The following SNAP91 variants were observed in gnomAD, a reference collection of about 807,000 sequenced individuals.
SNAP91 encodes synaptosome associated protein 91.
SNAP91 carries 27 observed loss-of-function variants against 100.3 expected under a neutral mutation model. The ratio of observed to expected loss-of-function variants is 0.27; its 90% CI spans 0.20 to 0.37. The LOEUF (loss-of-function observed/expected upper bound fraction) is 0.37. Ranked by LOEUF, SNAP91 falls within the 10% of genes least tolerant of loss-of-function variation. The pLI is 1.00. For synonymous variants in SNAP91, 404 were observed against 398.6 expected, an observed-to-expected ratio of 1.01 and a Z score of -0.16; for missense variants, 986 against 1,123.7, an observed-to-expected ratio of 0.88 and a Z score of 1.75.
chr6:83,666,581 A>T lies in SNAP91; in HGVS notation c.131-1000T>A, dbSNP rs151301936. Among the ~76,000 whole-genome samples, 12 of 152,264 alleles carry T rather than the reference A, an allele frequency of 7.9e-5. No individual in the cohort carries two copies. In the East Asian group the frequency reaches 2.3e-3, roughly 29 times the overall value. Reference sequence around the variant, plus strand: ...ATCCACACTCAGTAATCATTAAACTATACATTTTATGCATTGCATTTCTCT... The same window carrying T: ...ATCCACACTCAGTAATCATTAAACTTTACATTTTATGCATTGCATTTCTCT... On this transcript the variant is annotated intron_variant, in intron 2 of 29. Coordinates refer to ENST00000369694, the MANE Select transcript of SNAP91 (RefSeq NM_001242792.2).
chr6:83,662,987 A>G (rs532306324), intron 3 of SNAP91, among the ~76,000 whole-genome samples: 10 of 152,116 alleles, frequency 6.6e-5, no homozygotes, highest in Non-Finnish European at 1.2e-4. Context: ...AATTCTCACA[A>G]TAGTTCAAAC....
Position 83,576,017 on chromosome 6 carries a change from A to G in SNAP91, c.2330+6T>C. ...AAAGGAAATCACATAATTTCCAAAC[A>G]CTTACTTTTTTGTTGTGGTACCAGA... On this transcript the variant is annotated splice_donor_region_variant and intron_variant, in intron 25 of 29. Coordinates refer to ENST00000369694, the MANE Select transcript of SNAP91 (RefSeq NM_001242792.2). 7.1e-7 allele frequency: 1 copy of G among 1,410,622 alleles called. No homozygotes were observed. The highest frequency in any genetic ancestry group is 1.3e-5 in the South Asian group (1 of 75,512). 87.4% of individuals were successfully genotyped at this position (1,410,622 alleles called of 1,614,324 possible). A position where few individuals can be genotyped will look rare whatever the true frequency, so the allele number is the denominator to read the frequency against.
rs147891842 is a variant in SNAP91, at chr6:83,580,368, T to TGA, written c.2299+80_2299+81dup. 8.0e-4 allele frequency: 1,003 copies of TGA among 1,247,044 alleles called. 1 individual carries two copies. The highest frequency in any genetic ancestry group is 1.4e-3 in the Middle Eastern group (6 of 4,166). The allele number at this position is 1,247,044 out of a possible 1,614,324, so 77.2% of individuals were successfully genotyped here. Reference sequence around the variant, plus strand: ...GAGTCCAGAAACAAAACATATGAGATGAGAGAGAGAGAGAGAGAGAAACAA... The same window carrying TGA: ...GAGTCCAGAAACAAAACATATGAGATGAGAGAGAGAGAGAGAGAGAGAAACAA... On this transcript the variant is annotated intron_variant, in intron 24 of 29. Transcript: ENST00000369694.
intron 8 of SNAP91, among the ~76,000 whole-genome samples, chr6:83,634,114 A>G (rs181986327): frequency 1.3e-5 from 2 of 151,774 alleles, no homozygotes; most frequent in African/African-American, 4.8e-5. Context: ...TAATAAAATT[A>G]AAAAAAAATT....
At chr6:83,656,717 C>A in intron 7 of SNAP91, 37 bp downstream of exon 7, 2 of 910,846 alleles carry the variant, frequency 2.2e-6, no homozygotes, top group Non-Finnish European at 3.5e-6. Flanking sequence ...TACTGTGTAT[C>A]CCATCAGCCC....
At chr6:83,582,094 G>T (rs904525852) in intron 23 of SNAP91, 128 bp downstream of exon 23, 2 of 1,041,694 alleles carry the variant, frequency 1.9e-6, no homozygotes, top group Non-Finnish European at 2.7e-6. Context: ...ATTTATTAAC[G>T]TTTTATAAAC....
intron 8 of SNAP91, among the ~76,000 whole-genome samples, chr6:83,638,306 A>T (rs1168785155): frequency 6.6e-6 from 1 of 151,478 alleles, no homozygotes; most frequent in Non-Finnish European, 1.5e-5. Flanking sequence ...GATTCACTCG[A>T]TATTTTGGTT....
At chr6:83,645,246 CT>C (rs963656094) in intron 7 of SNAP91, among the ~76,000 whole-genome samples, 103 of 144,792 alleles carry the variant, frequency 7.1e-4, no homozygotes, top group South Asian at 2.4e-3. Flanking sequence ...TATATCCTGA[CT>C]TTTTTTTTTT....
intron 2 of SNAP91, among the ~76,000 whole-genome samples, chr6:83,696,861 T>C (rs1396583755): frequency 1.3e-5 from 2 of 152,206 alleles, no homozygotes; most frequent in African/African-American, 4.8e-5. Context: ...ATGGTATCCC[T>C]GTTTCCTGGA....
chr6:83,588,162 C>T (rs2093097938), intron 22 of SNAP91, among the ~76,000 whole-genome samples: 1 of 152,086 alleles, frequency 6.6e-6, no homozygotes, highest in African/African-American at 2.4e-5. Flanking sequence ...AATAATATTT[C>T]ACATTGTGCC....
intron 26 of SNAP91, among the ~76,000 whole-genome samples, chr6:83,572,532 A>G (rs1329177045): frequency 6.6e-6 from 1 of 152,050 alleles, no homozygotes; most frequent in Admixed American, 6.6e-5. Context: ...GATTACAGGC[A>G]TGAGCCACCG....
chr6:83,648,894 T>G (rs970856932), intron 7 of SNAP91, among the ~76,000 whole-genome samples: 2 of 152,188 alleles, frequency 1.3e-5, no homozygotes, highest in African/African-American at 4.8e-5. Context: ...GTGACTTGTA[T>G]TTTCATTCTT....
At chr6:83,697,430 A>AT (rs1306464179) in intron 2 of SNAP91, among the ~76,000 whole-genome samples, 4 of 151,908 alleles carry the variant, frequency 2.6e-5, no homozygotes, top group Non-Finnish European at 1.5e-5. Flanking sequence ...AGTTAATGGT[A>AT]TGTACTGAGA....
chr6:83,611,192 T>G (rs2096040741), intron 11 of SNAP91, among the ~76,000 whole-genome samples: 2 of 151,882 alleles, frequency 1.3e-5, no homozygotes, highest in Admixed American at 1.3e-4. Context: ...TTCATACTCT[T>G]GAAGTCTGTT....
At chr6:83,678,444 A>G (rs751816700) in intron 2 of SNAP91, among the ~76,000 whole-genome samples, 1 of 152,130 alleles carries the variant, frequency 6.6e-6, no homozygotes. Flanking sequence ...TAAAAAAAAC[A>G]GCGTTTCATA....
At chr6:83,620,798 A>G (rs9449668) in intron 9 of SNAP91, among the ~76,000 whole-genome samples, 4,194 of 149,804 alleles carry the variant, frequency 0.028, 198 homozygotes, top group African/African-American at 0.095. Flanking sequence ...TGTAAGCTCC[A>G]CCTCCCGGGT....
At chr6:83,661,093 T>C (rs1414559495) in intron 5 of SNAP91, among the ~76,000 whole-genome samples, 3 of 152,214 alleles carry the variant, frequency 2.0e-5, no homozygotes, top group East Asian at 3.9e-4. Flanking sequence ...CAGGTATCAC[T>C]GTGCCAGGCC....
At chr6:83,597,924 A>G (rs1049134378) in intron 16 of SNAP91, among the ~76,000 whole-genome samples, 6 of 152,220 alleles carry the variant, frequency 3.9e-5, no homozygotes, top group Non-Finnish European at 7.3e-5. Context: ...TTTGACCAAC[A>G]TGTACCCAAT....
chr6:83,618,359 G>A (rs1031088853), intron 9 of SNAP91, among the ~76,000 whole-genome samples: 2 of 151,222 alleles, frequency 1.3e-5, no homozygotes, highest in South Asian at 2.1e-4. Flanking sequence ...TATTTTAAAA[G>A]CTTTGAACTA....
Sources: gnomAD v4.1 joint callset for allele counts (sites outside exome capture counted in the v4.1 genomes callset) on GRCh38, gnomAD v4.1.1 for gene constraint, MANE v1.5 for transcripts, NCBI Gene and HGNC (gene_info 2026-07-23, HGNC 2026-07-21) for gene names.